HROB: variants seen among roughly 807,000 people sequenced by gnomAD.
HROB encodes the protein homologous recombination OB-fold protein.
Under a neutral mutation model 61.0 loss-of-function variants are expected in HROB, and 44 were observed. The observed-to-expected ratio is 0.72, with a 90% CI of 0.57 to 0.93. The LOEUF is 0.93. Ranked by LOEUF, HROB falls within the 40% of genes least tolerant of loss-of-function variation. The pLI, the probability that HROB is intolerant of heterozygous loss-of-function variation, is 0.00. For missense variants in HROB, 716 were observed against 796.2 expected (o/e 0.90, Z 1.21); for synonymous variants, 301 against 310.4 (o/e 0.97, Z 0.32).
Position 44,147,998 on chromosome 17 carries a change from C to G in HROB, c.195C>G (p.Pro65=). The part of the protein sequence containing the change: ...AQSSRLLLLH[P]TAPSEALGLP... ...CCTCCAGGCTGCTGCTGTTACACCC[C>G]ACTGCTCCCTCAGAGGCTTTGGGCC... The change falls in exon 3 of 10, where the codon CCC becomes CCG. Residue 65 remains proline, a synonymous_variant. Transcript: ENST00000585683. The G allele has an allele frequency of 9.9e-6, 16 of 1,613,950 alleles. No individual in the cohort carries two copies. The highest frequency in any genetic ancestry group is 1.4e-5 in the Non-Finnish European group (16 of 1,180,028).
chr17:44,157,793 C>A, intron 8 of HROB, 40 bp from the exon 9 acceptor site: 2 of 1,520,014 alleles, frequency 1.3e-6, no homozygotes, highest in Non-Finnish European at 1.8e-6. Flanking sequence ...GAAGGGATTT[C>A]AGGGACACAG....
chr17:44,150,998 C>T lies in HROB; in HGVS notation c.1262C>T (p.Ala421Val), dbSNP rs777466338. 11 of 1,613,100 alleles carry T rather than the reference C, an allele frequency of 6.8e-6. No individual in the cohort carries two copies. Among genetic ancestry groups the T allele is most frequent in the East Asian group, 2.2e-5 (1 of 44,892 alleles). ...AGTCTGGAGGACATCATGGTTTCCG[C>T]GCCCCAAACTCCAACCCATGGTGCT... ...GRSLEDIMVS[A>V]PQTPTHGALA... is the part of the protein sequence containing the mutation. The change falls in exon 4 of 10, where the codon GCG (alanine) becomes GTG (valine). Residue 421 changes from alanine (A) to valine (V), a missense_variant. Ala to Val is a moderately conservative substitution (Grantham distance 64). Transcript: ENST00000585683.
At chr17:44,160,295 C>T (rs1043822893) in intron 9 of HROB, among the ~76,000 whole-genome samples, 9 of 152,138 alleles carry the variant, frequency 5.9e-5, no homozygotes, top group Non-Finnish European at 1.2e-4. Context: ...TAGCTGGGCA[C>T]GGTGGCTCAC....
intron 1 of HROB, 25 bp from the exon 2 acceptor site, chr17:44,145,178 C>G (rs1461018323): frequency 6.2e-7 from 1 of 1,613,284 alleles, no homozygotes; most frequent in African/African-American, 1.3e-5. Flanking sequence ...ATTTCTCAAC[C>G]CCAGTTGGTT....
At chr17:44,157,190 C>G (rs1024697986) in intron 8 of HROB, among the ~76,000 whole-genome samples, 1 of 152,142 alleles carries the variant, frequency 6.6e-6, no homozygotes. Flanking sequence ...GCTAACTCTT[C>G]AATGTATTTC....
chr17:44,152,846 A>C (rs559195973), intron 5 of HROB, 69 bp downstream of exon 5: 130 of 1,559,972 alleles, frequency 8.3e-5, no homozygotes, highest in Non-Finnish European at 1.1e-4. Context: ...CTACTGCCCT[A>C]CTCCACCTTA....
intron 4 of HROB, among the ~76,000 whole-genome samples, chr17:44,151,865 G>C (rs1598096999): frequency 6.6e-6 from 1 of 151,226 alleles, no homozygotes; most frequent in East Asian, 1.9e-4. Flanking sequence ...TTTTATTTTT[G>C]AGACGGATTC....
chr17:44,157,763 G>A, intron 8 of HROB, 70 bp from the exon 9 acceptor site: 1 of 1,188,666 alleles, frequency 8.4e-7, no homozygotes, highest in Non-Finnish European at 1.2e-6. Context: ...GAGGTTGTCT[G>A]GGTAGAGGTG....
At position 44,152,534 on chromosome 17, in the gene HROB, G is replaced by A; in HGVS notation, c.1309-103G>A. The A allele has an allele frequency of 4.4e-6, 6 of 1,353,592 alleles. No homozygotes were observed. The South Asian group carries it at 8.8e-5, about 20-fold the overall frequency. 83.8% of individuals were successfully genotyped at this position (1,353,592 alleles called of 1,614,324 possible). A position where few individuals can be genotyped will look rare whatever the true frequency, so the allele number is the denominator to read the frequency against. ...GCCATTGTACTACAGTTTTTCCGAG[G>A]GGATTTGCCTTTCCTCTCTCACCCT... On this transcript the variant is annotated intron_variant, in intron 4 of 9. Transcript: ENST00000585683.
intron 6 of HROB, 25 bp from the exon 7 acceptor site, chr17:44,154,828 C>T (rs528300121): frequency 6.2e-7 from 1 of 1,613,558 alleles, no homozygotes; most frequent in Non-Finnish European, 8.5e-7. Context: ...GACCCCGAGA[C>T]TGATGGGCCA....
chr17:44,151,992 G>A (rs542860823), intron 4 of HROB, among the ~76,000 whole-genome samples: 5 of 152,146 alleles, frequency 3.3e-5, no homozygotes, highest in South Asian at 2.1e-4. Flanking sequence ...GACTGCAGGC[G>A]TGTGCCACCA....
rs1403367387 is a variant in HROB at position 44,148,034 on chromosome 17, G to A, written c.231G>A (p.Leu77=). The A allele has an allele frequency of 1.2e-6, 2 of 1,613,870 alleles. No individual in the cohort carries two copies. The highest frequency in any genetic ancestry group is 1.3e-5 in the African/African-American group (1 of 74,912). ...CAGAGGCTTTGGGCCTGCCAGACTT[G>A]GACCTCTGCCTCCCTGCCTCCAGCA... ...APSEALGLPD[L]DLCLPASSTP... Residue 77 remains leucine (L), a synonymous_variant, in exon 3 of 10, where the codon TTG becomes TTA. Transcript: ENST00000585683.
intron 2 of HROB, among the ~76,000 whole-genome samples, chr17:44,146,727 C>G (rs966126780): frequency 3.7e-4 from 57 of 152,174 alleles, no homozygotes; most frequent in African/African-American, 1.3e-3. Flanking sequence ...GGTTGTCCTG[C>G]CTGAGTATGG....
chr17:44,152,822 T>A, intron 5 of HROB, 45 bp downstream of exon 5: 1 of 1,598,592 alleles, frequency 6.3e-7, no homozygotes, highest in Non-Finnish European at 8.5e-7. Flanking sequence ...ACCATTTTTC[T>A]CCCTCTCTCT....
Position 44,147,903 on chromosome 17 carries a change from T to C in HROB, c.100T>C (p.Ser34Pro). Residue 34 changes from serine to proline, a missense_variant, in exon 3 of 10, where the codon TCA becomes CCA. By Grantham distance (74) the Ser-to-Pro change is moderately conservative (BLOSUM62 -1). Coordinates refer to ENST00000585683, the MANE Select transcript of HROB (RefSeq NM_001171251.3). ...GGATGCAGAGAACCGGTTTACTGGCTCACTGCCTGTGAATGCTGGGCGCCT... is the reference window on the plus strand; with the variant it reads ...GGATGCAGAGAACCGGTTTACTGGCCCACTGCCTGTGAATGCTGGGCGCCT... ...VEDAENRFTG[S>P]LPVNAGRLRP... is the part of the protein sequence containing the mutation. The C allele has an allele frequency of 6.2e-7, 1 of 1,614,112 alleles. No individual in the cohort carries two copies. Among genetic ancestry groups the C allele is most frequent in the Non-Finnish European group, 8.5e-7 (1 of 1,179,990 alleles).
intron 1 of HROB, among the ~76,000 whole-genome samples, chr17:44,143,977 T>C (rs2053536277): frequency 6.6e-6 from 1 of 151,980 alleles, no homozygotes; most frequent in African/African-American, 2.4e-5. Context: ...TTTTAATCTT[T>C]CTTTCCTTTT....
chr17:44,151,441 G>C (rs533539381), intron 4 of HROB, among the ~76,000 whole-genome samples: 1 of 152,192 alleles, frequency 6.6e-6, no homozygotes, highest in South Asian at 2.1e-4. Context: ...CCCTTTGGTG[G>C]GTGAGACCCT....
At chr17:44,149,572 C>A (rs1440318128) in intron 3 of HROB, among the ~76,000 whole-genome samples, 3 of 152,112 alleles carry the variant, frequency 2.0e-5, no homozygotes, top group African/African-American at 7.2e-5. Context: ...TTTAAGAAGA[C>A]CCTCTTTTCC....
At position 44,154,562 on chromosome 17, in the gene HROB, C is replaced by T; in HGVS notation, c.1456C>T (p.Leu486=). 1 of 1,614,104 alleles carries T rather than the reference C, an allele frequency of 6.2e-7. No homozygotes were observed. The highest frequency in any genetic ancestry group is 8.5e-7 in the Non-Finnish European group (1 of 1,180,012). Reference sequence around the variant, plus strand: ...TGCCTCTCCTTGTAAGCAGGCAGCCCTGAAGCAGCTTCCTAGGAACAAGGT... The same window carrying T: ...TGCCTCTCCTTGTAAGCAGGCAGCCTTGAAGCAGCTTCCTAGGAACAAGGT... ...SIVMVLRKAA[L]KQLPRNKVPN... The change falls in exon 6 of 10, where the codon CTG becomes TTG. Residue 486 remains leucine (L), a synonymous_variant. Coordinates refer to ENST00000585683, the MANE Select transcript of HROB (RefSeq NM_001171251.3).
Sources: gnomAD v4.1 joint callset for allele counts (sites outside exome capture counted in the v4.1 genomes callset) on GRCh38, gnomAD v4.1.1 for gene constraint, MANE v1.5 for transcripts, NCBI Gene and HGNC (gene_info 2026-07-23, HGNC 2026-07-21) for gene names.